Variants in SLC1A5 observed in about 807,000 individuals in gnomAD.
SLC1A5 encodes the protein solute carrier family 1 member 5.
Under a neutral mutation model 34.9 loss-of-function variants are expected in SLC1A5, and 25 were observed. That is an observed-to-expected ratio of 0.72 (90% CI 0.52 to 1.00). The LOEUF (loss-of-function observed/expected upper bound fraction) is 1.00, where lower values mean the gene tolerates loss of function less well. Among genes scored for constraint, SLC1A5 ranks in the 50% least tolerant of loss-of-function variants. The pLI is 0.00. For missense variants in SLC1A5, 637 were observed against 740.0 expected (o/e 0.86, Z 1.61); for synonymous variants, 351 against 341.2 (o/e 1.03, Z -0.32).
chr19:46,784,903 C>T, intron 1 of SLC1A5: 1 of 1,273,270 alleles, frequency 7.9e-7, no homozygotes, highest in Middle Eastern at 3.0e-4. Flanking sequence ...CCCTGGACAG[C>T]TTGCATCAGC....
rs753234926 is a variant in SLC1A5, at chr19:46,787,905, C to T, written c.61G>A (p.Gly21Arg). Residue 21 changes from glycine (G) to arginine (R), a missense_variant, in exon 1 of 8, where the codon GGG (glycine) becomes AGG (arginine). Coordinates refer to ENST00000542575, the MANE Select transcript of SLC1A5 (RefSeq NM_005628.3). The surrounding 1 kb of genome is among the most constrained non-coding windows in gnomAD (Gnocchi z 5.2). ...GLAAAEPTANGGLALASIEDQ... is the reference protein window; with the variant it reads ...GLAAAEPTANRGLALASIEDQ... ...TCGATGGAGGCCAGCGCCAGGCCCC[C>T]GTTGGCGGTGGGCTCCGCCGCTGCG... 4 of 1,573,424 alleles carry T rather than the reference C, an allele frequency of 2.5e-6. No homozygotes were observed. Among genetic ancestry groups the T allele is most frequent in the Admixed American group, 1.9e-5 (1 of 53,944 alleles).
In SLC1A5 at chr19:46,784,100, C is replaced by T. The variant is rs376717416; in HGVS notation, c.654G>A (p.Val218=). The T allele has an allele frequency of 9.9e-6, 16 of 1,612,934 alleles. No homozygotes were observed. The highest frequency in any genetic ancestry group is 5.3e-5 in the African/African-American group (4 of 74,890). Reference sequence around the variant, plus strand: ...CGCTGCCTCCCACTGCTCTCACCTTCACCCTGGTTCCGGTGATATTCCTCT... The same window carrying T: ...CGCTGCCTCCCACTGCTCTCACCTTTACCCTGGTTCCGGTGATATTCCTCT... ...YEERNITGTR[V]KVPVGQEVEG... is the part of the protein sequence containing the mutation. The change falls in exon 3 of 8, where the codon GTG becomes GTA. Residue 218 remains valine (V), a synonymous_variant. Coordinates refer to ENST00000542575, the MANE Select transcript of SLC1A5 (RefSeq NM_005628.3).
At chr19:46,778,056 A>T (rs2055110982) in intron 5 of SLC1A5, among the ~76,000 whole-genome samples, 1 of 152,096 alleles carries the variant, frequency 6.6e-6, no homozygotes, top group South Asian at 2.1e-4. Context: ...TTGTCTTGGG[A>T]GGGGACAGGG....
intron 4 of SLC1A5, 31 bp downstream of exon 4, chr19:46,782,352 C>G: frequency 9.5e-6 from 7 of 736,024 alleles, no homozygotes; most frequent in Non-Finnish European, 9.0e-6. Flanking sequence ...TCCAACCCCA[C>G]CCACCCCCAG....
In SLC1A5 at chr19:46,777,530, C is replaced by G. The variant is rs115835395; in HGVS notation, c.1059-125G>C. 10,465 of 878,622 alleles carry G rather than the reference C, an allele frequency of 0.012. 676 individuals carry two copies. In the African/African-American group the frequency reaches 0.14, roughly 12 times the overall value. 54.4% of individuals were successfully genotyped at this position (878,622 alleles called of 1,614,324 possible). ...ACCAGCCAAAGCCCCACCCACCCCA[C>G]CCAGTGGATCCCCACCAGAGCCTGC... On this transcript the variant is annotated intron_variant, in intron 5 of 7. Transcript: ENST00000542575.
intron 4 of SLC1A5, among the ~76,000 whole-genome samples, chr19:46,781,528 G>A (rs1411866332): frequency 6.6e-6 from 1 of 152,128 alleles, no homozygotes; most frequent in Admixed American, 6.6e-5. Context: ...AACCCGGGAG[G>A]CGGAGTTTGC....
chr19:46,780,019 A>AT (rs1230345608), intron 4 of SLC1A5, among the ~76,000 whole-genome samples: 1 of 151,796 alleles, frequency 6.6e-6, no homozygotes, highest in South Asian at 2.1e-4. Flanking sequence ...CGCCCAGCTA[A>AT]TTTTTTGTAT....
chr19:46,776,467 CA>C (rs1478665527), intron 7 of SLC1A5, among the ~76,000 whole-genome samples: 2 of 152,118 alleles, frequency 1.3e-5, no homozygotes, highest in Non-Finnish European at 2.9e-5. Context: ...CTGGGCCTCC[CA>C]AAATGTTGGG....
chr19:46,780,698 C>T (rs893174583), intron 4 of SLC1A5, among the ~76,000 whole-genome samples: 12 of 150,720 alleles, frequency 8.0e-5, no homozygotes, highest in African/African-American at 2.4e-4. Context: ...AGGCCAGGAG[C>T]GGTGGCTCAC....
intron 4 of SLC1A5, among the ~76,000 whole-genome samples, chr19:46,779,655 T>C (rs1483051743): frequency 2.0e-5 from 3 of 151,968 alleles, no homozygotes; most frequent in Non-Finnish European, 4.4e-5. Flanking sequence ...CCCAGCACTT[T>C]AGGAGGTGAA....
intron 4 of SLC1A5, among the ~76,000 whole-genome samples, chr19:46,780,903 A>G (rs2055140922): frequency 1.3e-5 from 2 of 152,216 alleles, no homozygotes; most frequent in East Asian, 1.9e-4. Flanking sequence ...CATGGGAGGC[A>G]GACATTGCAG....
In SLC1A5 at chr19:46,777,348, C is replaced by T. The variant is rs1297140920; in HGVS notation, c.1116G>A (p.Lys372=). 2 of 1,613,630 alleles carry T rather than the reference C, an allele frequency of 1.2e-6. No individual in the cohort carries two copies. Among genetic ancestry groups the T allele is most frequent in the Non-Finnish European group, 1.7e-6 (2 of 1,179,968 alleles). The change falls in exon 6 of 8, where the codon AAG becomes AAA. Residue 372 remains lysine (K), a synonymous_variant. Transcript: ENST00000542575. ...KCVEENNGVA[K]HISRFILPIG... is the part of the protein sequence containing the mutation. ...TGGGCAGGATGAAACGGCTGATGTG[C>T]TTGGCCACGCCATTATTCTCCTCCA...
chr19:46,784,934 G>C, intron 1 of SLC1A5: 1 of 1,202,456 alleles, frequency 8.3e-7, no homozygotes, highest in Non-Finnish European at 1.0e-6. Context: ...TGGAGGGCCT[G>C]CCAGCGGCTC....
Position 46,777,292 on chromosome 19 carries a change from G to A in SLC1A5, c.1172C>T (p.Ala391Val). The A allele has an allele frequency of 1.2e-6, 2 of 1,613,718 alleles. No homozygotes were observed. The highest frequency in any genetic ancestry group is 1.7e-6 in the Non-Finnish European group (2 of 1,179,968). ...IGATVNMDGA[A>V]LFQCVAAVFI... The stretch of plus-strand genomic sequence containing the variant: ...CACTGCGGCCACGCACTGGAAGAGC[G>A]CGGCACCGTCCATGTTGACGGTGGC... Residue 391 changes from alanine (A) to valine (V), a missense_variant, in exon 6 of 8, where the codon GCG becomes GTG. Coordinates refer to ENST00000542575, the MANE Select transcript of SLC1A5 (RefSeq NM_005628.3).
At chr19:46,779,165 C>A (rs1421307888) in intron 4 of SLC1A5, among the ~76,000 whole-genome samples, 1 of 152,172 alleles carries the variant, frequency 6.6e-6, no homozygotes, top group Non-Finnish European at 1.5e-5. Context: ...TGGCTCATGC[C>A]TGTAATCCCA....
In SLC1A5 at chr19:46,782,524, C is replaced by G. The variant is rs2055155301; in HGVS notation, c.683G>C (p.Gly228Ala). Residue 228 changes from glycine (G) to alanine (A), a missense_variant, in exon 4 of 8, where the codon GGG becomes GCG. Coordinates refer to ENST00000542575, the MANE Select transcript of SLC1A5 (RefSeq NM_005628.3). ...VKVPVGQEVE[G>A]MNILGLVVFA... The stretch of plus-strand genomic sequence containing the variant: ...CACTACCAAGCCCAGGATGTTCATC[C>G]CCTCCACCTCCTGCCCCACGGGCAC... The G allele has an allele frequency of 2.4e-5, 38 of 1,614,064 alleles. No homozygotes were observed. Among genetic ancestry groups the G allele is most frequent in the Non-Finnish European group, 2.9e-5 (34 of 1,180,026 alleles).
chr19:46,788,236 T>G lies in SLC1A5; in HGVS notation c.-271A>C. The G allele has an allele frequency of 1.8e-5, 8 of 434,648 alleles. No individual in the cohort carries two copies. The highest frequency in any genetic ancestry group is 4.1e-5 in the East Asian group (1 of 24,250). The allele number at this position is 434,648 out of a possible 1,614,324, so 26.9% of individuals were successfully genotyped here. A position where few individuals can be genotyped will look rare whatever the true frequency, so the allele number is the denominator to read the frequency against. Reference sequence around the variant, plus strand: ...AAGCTGGGAGTTCGGAGCGCCCGGGTTCCTTGGCCCTAGGAGCTGGGAATA... The same window carrying G: ...AAGCTGGGAGTTCGGAGCGCCCGGGGTCCTTGGCCCTAGGAGCTGGGAATA... On this transcript the variant is annotated 5_prime_UTR_variant, in exon 1 of 8. Coordinates refer to ENST00000542575, the MANE Select transcript of SLC1A5 (RefSeq NM_005628.3).
At chr19:46,784,812 G>A in intron 1 of SLC1A5, 1 of 1,421,558 alleles carries the variant, frequency 7.0e-7, no homozygotes, top group Non-Finnish European at 9.2e-7. Context: ...GTGGGTTCGG[G>A]GTGAGGAATG....
chr19:46,786,340 C>T (rs1599736445), intron 1 of SLC1A5, among the ~76,000 whole-genome samples: 1 of 152,300 alleles, frequency 6.6e-6, no homozygotes, highest in Non-Finnish European at 1.5e-5. Context: ...GTGTGAGCTA[C>T]AGCTGTTTTG....
Sources: allele counts gnomAD v4.1 joint callset (sites outside exome capture counted in the v4.1 genomes callset), GRCh38; gene constraint gnomAD v4.1.1; non-coding constraint Gnocchi (gnomAD v3.1); transcripts MANE v1.5; gene names NCBI Gene and HGNC (gene_info 2026-07-23, HGNC 2026-07-21).